Variants in PCDHA3 observed in about 807,000 individuals in gnomAD.
The protein encoded by PCDHA3 is protocadherin alpha 3, also known as protocadherin alpha-3.
Under a neutral mutation model 62.2 loss-of-function variants are expected in PCDHA3, and 41 were observed. The ratio of observed to expected loss-of-function variants is 0.66; its 90% confidence interval spans 0.51 to 0.86. PCDHA3 has a LOEUF of 0.86. Ranked by LOEUF, PCDHA3 falls within the 40% of genes least tolerant of loss-of-function variation. PCDHA3 has a pLI of 0.00. For synonymous variants in PCDHA3, 640 were observed against 555.4 expected (o/e 1.15, Z -2.14); for missense variants, 1,304 against 1,241.2 (o/e 1.05, Z -0.76).
intron 1 of PCDHA3, chr5:140,877,350 G>T (rs376513441): frequency 1.9e-6 from 3 of 1,614,014 alleles, no homozygotes; most frequent in Non-Finnish European, 2.5e-6. Flanking sequence ...ACGTGGGGCT[G>T]TACACTGGCG....
At chr5:140,906,502 C>G (rs182726471) in intron 1 of PCDHA3, among the ~76,000 whole-genome samples, 2 of 152,298 alleles carry the variant, frequency 1.3e-5, no homozygotes, top group African/African-American at 4.8e-5. Context: ...ATGTTTTTAA[C>G]AAAGAAGGAG....
chr5:140,863,553 A>C, intron 1 of PCDHA3: 2 of 378,210 alleles, frequency 5.3e-6, no homozygotes, highest in South Asian at 4.1e-5. Context: ...TTCAATAGGA[A>C]ATTTTTGAGA....
intron 1 of PCDHA3, among the ~76,000 whole-genome samples, chr5:140,833,844 TAAC>T (rs1772686732): frequency 6.6e-6 from 1 of 152,198 alleles, no homozygotes; most frequent in African/African-American, 2.4e-5. Flanking sequence ...GGATTTTTCT[TAAC>T]AAGCGATACT....
chr5:140,858,741 A>G, intron 1 of PCDHA3: 1 of 467,024 alleles, frequency 2.1e-6, no homozygotes, highest in Middle Eastern at 5.8e-4. Flanking sequence ...TACTTTCATA[A>G]TCACTTTTCG....
In PCDHA3 at chr5:140,884,578, G is replaced by A. The variant is rs1554181757; in HGVS notation, c.2394+80987G>A. 6 of 1,614,104 alleles carry A rather than the reference G, an allele frequency of 3.7e-6. No homozygotes were observed. In the South Asian group the frequency reaches 4.4e-5, roughly 12 times the overall value. On this transcript the variant is annotated intron_variant, in intron 1 of 3. Transcript: ENST00000522353. ...AGGGCCCGCATAAGACGGACCTCAT[G>A]GCCTTCAGTCCCAGCCTTCCTCCTT...
rs782329809 is a variant in PCDHA3 at position 140,857,982 on chromosome 5, G to A, written c.2394+54391G>A. 7 of 1,596,582 alleles carry A rather than the reference G, an allele frequency of 4.4e-6. 1 individual carries two copies. In the Admixed American group the frequency reaches 5.1e-5, roughly 12 times the overall value. ...GATGAGACTGACTCGCCACGCCAGC[G>A]CCTACTGGTGCTGGTGAAGGACCAT... On this transcript the variant is annotated intron_variant, in intron 1 of 3. Coordinates refer to ENST00000522353, the MANE Select transcript of PCDHA3 (RefSeq NM_018906.3).
intron 1 of PCDHA3, among the ~76,000 whole-genome samples, chr5:140,844,931 A>C (rs1262967576): frequency 6.7e-6 from 1 of 149,362 alleles, no homozygotes; most frequent in Non-Finnish European, 1.5e-5. Flanking sequence ...GAAGGGAATG[A>C]ACGATTTCTG....
chr5:140,912,746 A>T (rs1322674627), intron 1 of PCDHA3, among the ~76,000 whole-genome samples: 1 of 152,200 alleles, frequency 6.6e-6, no homozygotes, highest in Non-Finnish European at 1.5e-5. Flanking sequence ...TGGGTCTGTC[A>T]TAGATGGCTT....
Position 140,801,983 on chromosome 5 carries a change from G to T in PCDHA3, c.786G>T (p.Val262=), listed in dbSNP as rs1762826046. The change falls in exon 1 of 4, where the codon GTG becomes GTT. Residue 262 remains valine (V), a synonymous_variant. Transcript: ENST00000522353. ...LENAPNGTLV[V]TVNATDLDEG... is the part of the protein sequence containing the mutation. ...ATGCACCAAATGGTACCCTAGTGGT[G>T]ACCGTTAACGCCACCGATTTGGATG... The T allele has an allele frequency of 6.2e-7, 1 of 1,614,108 alleles. No homozygotes were observed. Among genetic ancestry groups the T allele is most frequent in the South Asian group, 1.1e-5 (1 of 91,080 alleles).
At chr5:140,858,570 C>A (rs1212586718) in intron 1 of PCDHA3, 2 of 1,363,070 alleles carry the variant, frequency 1.5e-6, no homozygotes, top group Non-Finnish European at 1.0e-6. Flanking sequence ...TCTAGTGATA[C>A]CTTTGTAATA....
intron 1 of PCDHA3, chr5:140,830,414 A>G: frequency 6.2e-7 from 1 of 1,614,162 alleles, no homozygotes; most frequent in Non-Finnish European, 8.5e-7. Flanking sequence ...CTTTAGCCCC[A>G]GCCTTTCACC....
intron 1 of PCDHA3, chr5:140,847,946 T>C (rs1180480457): frequency 6.6e-6 from 1 of 151,812 alleles, no homozygotes; most frequent in Non-Finnish European, 1.5e-5. Context: ...CCTGGATTTC[T>C]CTTACACTAG....
At chr5:141,005,500 G>A (rs954556024) in intron 3 of PCDHA3, among the ~76,000 whole-genome samples, 2 of 151,574 alleles carry the variant, frequency 1.3e-5, no homozygotes, top group East Asian at 1.9e-4. Flanking sequence ...TCAGGAGATC[G>A]AGACCATCCT....
At chr5:140,900,538 A>G (rs1341812228) in intron 1 of PCDHA3, among the ~76,000 whole-genome samples, 1 of 152,162 alleles carries the variant, frequency 6.6e-6, no homozygotes, top group Non-Finnish European at 1.5e-5. Context: ...CGGCTTTCCA[A>G]AGTGCTGGGA....
chr5:140,823,977 C>T (rs563481836), intron 1 of PCDHA3: 1 of 1,614,044 alleles, frequency 6.2e-7, no homozygotes, highest in African/African-American at 1.3e-5. Flanking sequence ...GCACACGGGG[C>T]AAGCCCACTC....
intron 1 of PCDHA3, among the ~76,000 whole-genome samples, chr5:140,974,521 G>GT (rs1223492348): frequency 3.0e-4 from 45 of 152,208 alleles, no homozygotes; most frequent in African/African-American, 1.0e-3. Flanking sequence ...TTTTATTTTA[G>GT]TTTTTTTGAG....
chr5:140,876,258 C>G lies in PCDHA3; in HGVS notation c.2394+72667C>G, dbSNP rs782047443. ...ATGTCCAAAACGACACAAGAGTGAT[C>G]CAACTAAATGCTTCCGATCCAGACG... On this transcript the variant is annotated intron_variant, in intron 1 of 3. Coordinates refer to ENST00000522353, the MANE Select transcript of PCDHA3 (RefSeq NM_018906.3). 4 of 1,613,968 alleles carry G rather than the reference C, an allele frequency of 2.5e-6. No homozygotes were observed. The East Asian group carries it at 8.9e-5, about 36-fold the overall frequency.
chr5:140,870,987 C>T (rs782771467), intron 1 of PCDHA3: 51 of 1,613,334 alleles, frequency 3.2e-5, no homozygotes, highest in Non-Finnish European at 4.1e-5. Context: ...TGTACACGGG[C>T]GAGATAAGCA....
Position 140,988,326 on chromosome 5 carries a change from G to A in PCDHA3, c.2542+5763G>A, listed in dbSNP as rs144904425. 8.4e-3 allele frequency among the ~76,000 whole-genome samples: 1,281 copies of A among 152,296 alleles called. 12 individuals carry two copies. The highest frequency in any genetic ancestry group is 0.014 in the Non-Finnish European group (960 of 68,020). ...CAGCTTGGCTTGGCTTTCTCTACCC[G>A]AGGAAAGTAAGTCCTTTTAAGATGC... On this transcript the variant is annotated intron_variant, in intron 3 of 3. Coordinates refer to ENST00000522353, the MANE Select transcript of PCDHA3 (RefSeq NM_018906.3).
Sources: allele counts gnomAD v4.1 joint callset (sites outside exome capture counted in the v4.1 genomes callset), GRCh38; gene constraint gnomAD v4.1.1; transcripts MANE v1.5; gene names NCBI Gene and HGNC (gene_info 2026-07-23, HGNC 2026-07-21).